The following TENM2 variants were observed in gnomAD, a reference collection of about 807,000 sequenced individuals.
The protein encoded by TENM2 is teneurin-2.
In TENM2, 52 loss-of-function variants were observed where a neutral mutation model predicts 245.2. That is an observed-to-expected ratio of 0.21 (90% CI 0.17 to 0.27). The LOEUF is 0.27. Ranked by LOEUF, TENM2 falls within the 10% of genes least tolerant of loss-of-function variation. TENM2 has a pLI of 1.00. For synonymous variants in TENM2, 1,363 were observed against 1,438.9 expected (o/e 0.95, Z 1.19); for missense variants, 3,046 against 3,666.8 (o/e 0.83, Z 4.37).
At chr5:168,249,595 G>T (rs1443213657) in intron 27 of TENM2, among the ~76,000 whole-genome samples, 1 of 152,140 alleles carries the variant, frequency 6.6e-6, no homozygotes, top group Non-Finnish European at 1.5e-5. Flanking sequence ...GCTGAAGGAA[G>T]GCTATGAACA....
chr5:167,380,682 G>A (rs1761047697), intron 2 of TENM2, among the ~76,000 whole-genome samples: 1 of 152,128 alleles, frequency 6.6e-6, no homozygotes, highest in Non-Finnish European at 1.5e-5. Flanking sequence ...ATTATTACAT[G>A]TGTAATCTCC....
intron 2 of TENM2, among the ~76,000 whole-genome samples, chr5:167,423,899 C>T (rs770601487): frequency 3.3e-5 from 5 of 152,130 alleles, no homozygotes; most frequent in African/African-American, 4.8e-5. Context: ...TCGACCATGG[C>T]GAAGCAACCT....
chr5:167,707,138 T>G (rs1267630669), intron 2 of TENM2, among the ~76,000 whole-genome samples: 2 of 152,106 alleles, frequency 1.3e-5, no homozygotes, highest in East Asian at 3.9e-4. Flanking sequence ...AGTGTGGTTT[T>G]GATTTGTATT....
intron 11 of TENM2, 109 bp from the exon 14 acceptor site, chr5:168,126,645 G>C: frequency 2.6e-6 from 2 of 780,568 alleles, no homozygotes; most frequent in Non-Finnish European, 4.1e-6. Context: ...TGACAGAGCT[G>C]CTGGGCCTCG....
intron 9 of TENM2, among the ~76,000 whole-genome samples, chr5:168,102,861 T>C (rs914096408): frequency 6.6e-6 from 1 of 152,220 alleles, no homozygotes; most frequent in African/African-American, 2.4e-5. Flanking sequence ...TGTCTTCATA[T>C]CAATGATATG....
chr5:167,785,750 A>G (rs947513400), intron 2 of TENM2, among the ~76,000 whole-genome samples: 2 of 152,232 alleles, frequency 1.3e-5, no homozygotes, highest in Non-Finnish European at 2.9e-5. Context: ...AATCAGAGGT[A>G]GAATGTTGAG....
the TENM2 span, among the ~76,000 whole-genome samples, chr5:167,016,032 A>G: frequency 6.6e-6 from 1 of 152,026 alleles, no homozygotes; most frequent in African/African-American, 2.4e-5. Context: ...AGGCGGGCGG[A>G]TCACGAGGTC....
At chr5:167,260,043 G>A in the TENM2 span, among the ~76,000 whole-genome samples, 2 of 152,074 alleles carry the variant, frequency 1.3e-5, no homozygotes. Context: ...AAGTCATCTT[G>A]TAAACACTTT....
chr5:168,165,389 C>T (rs1224896906), intron 13 of TENM2, among the ~76,000 whole-genome samples: 1 of 152,110 alleles, frequency 6.6e-6, no homozygotes, highest in East Asian at 1.9e-4. Flanking sequence ...TCTCCTGGCT[C>T]CCTTCCCCGT....
At chr5:167,077,825 A>T in the TENM2 span, among the ~76,000 whole-genome samples, 1 of 152,136 alleles carries the variant, frequency 6.6e-6, no homozygotes, top group Admixed American at 6.6e-5. Context: ...TGGAAAACTG[A>T]GCGGGAATCT....
At chr5:167,661,828 C>A (rs1225357810) in intron 2 of TENM2, among the ~76,000 whole-genome samples, 2 of 152,236 alleles carry the variant, frequency 1.3e-5, no homozygotes, top group Non-Finnish European at 2.9e-5. Context: ...GGATCTCAAA[C>A]AGGCCGTCTA....
At chr5:167,650,207 C>A (rs1386326351) in intron 2 of TENM2, among the ~76,000 whole-genome samples, 2 of 152,178 alleles carry the variant, frequency 1.3e-5, no homozygotes. Flanking sequence ...AGAATTTCCA[C>A]TTTGCTTTGA....
intron 4 of TENM2, among the ~76,000 whole-genome samples, chr5:167,954,524 C>A (rs1297024066): frequency 6.6e-6 from 1 of 152,108 alleles, no homozygotes; most frequent in Non-Finnish European, 1.5e-5. Flanking sequence ...CGTGCAGGTT[C>A]GTTACATAGG....
intron 2 of TENM2, among the ~76,000 whole-genome samples, chr5:167,571,156 C>T (rs1263228912): frequency 1.3e-5 from 2 of 152,242 alleles, no homozygotes; most frequent in Non-Finnish European, 2.9e-5. Flanking sequence ...TGGAAGTTCA[C>T]ATTTACTGAT....
intron 3 of TENM2, among the ~76,000 whole-genome samples, chr5:167,941,087 C>T (rs964726942): frequency 5.3e-5 from 8 of 152,170 alleles, no homozygotes; most frequent in African/African-American, 1.9e-4. Flanking sequence ...AAACAAATTG[C>T]TAATTCATGA....
At chr5:168,206,770 A>G (rs1186046471) in intron 19 of TENM2, among the ~76,000 whole-genome samples, 1 of 152,140 alleles carries the variant, frequency 6.6e-6, no homozygotes, top group Non-Finnish European at 1.5e-5. Flanking sequence ...ATGGGAGAAG[A>G]CAGGGTAGGG....
chr5:168,047,650 C>A, intron 6 of TENM2, 101 bp downstream of exon 8: 18 of 1,375,218 alleles, frequency 1.3e-5, no homozygotes, highest in Middle Eastern at 1.9e-4. Context: ...GAAGGTATGC[C>A]AAAAGAAAAA....
intron 2 of TENM2, among the ~76,000 whole-genome samples, chr5:167,376,998 T>C (rs1760789183): frequency 6.6e-6 from 1 of 152,192 alleles, no homozygotes; most frequent in African/African-American, 2.4e-5. Context: ...CTTATACCTA[T>C]AGAGGGAACC....
At chr5:167,218,696 A>G in the TENM2 span, among the ~76,000 whole-genome samples, 1 of 152,226 alleles carries the variant, frequency 6.6e-6, no homozygotes, top group Admixed American at 6.5e-5. Flanking sequence ...AAAGAAAACA[A>G]CTTGTTGCTT....
Sources: allele counts gnomAD v4.1 joint callset (sites outside exome capture counted in the v4.1 genomes callset), GRCh38; gene constraint gnomAD v4.1.1; transcripts MANE v1.5; gene names NCBI Gene and HGNC (gene_info 2026-07-23, HGNC 2026-07-21).